The following TERB1 variants were observed in gnomAD, a reference collection of about 807,000 sequenced individuals.
TERB1 encodes the protein telomere repeats-binding bouquet formation protein 1.
A neutral mutation model predicts 92.3 loss-of-function variants in TERB1; 63 were observed. The ratio of observed to expected loss-of-function variants is 0.68; its 90% CI spans 0.56 to 0.84. The LOEUF (loss-of-function observed/expected upper bound fraction) is 0.84, where lower values mean the gene tolerates loss of function less well. Among genes scored for constraint, TERB1 ranks in the 40% least tolerant of loss-of-function variants. TERB1 has a pLI of 0.00. For synonymous variants in TERB1, 252 were observed against 283.9 expected (o/e 0.89, Z 1.13); for missense variants, 709 against 843.7 (o/e 0.84, Z 1.98).
chr16:66,763,909 A>G (rs976793563), intron 16 of TERB1, among the ~76,000 whole-genome samples: 1 of 152,224 alleles, frequency 6.6e-6, no homozygotes, highest in South Asian at 2.1e-4. Context: ...AAGACATTTC[A>G]GTACAATAAA....
At chr16:66,790,746 A>C in intron 4 of TERB1, 23 bp from the exon 5 acceptor site, 7 of 1,547,044 alleles carry the variant, frequency 4.5e-6, no homozygotes, top group Non-Finnish European at 6.1e-6. Flanking sequence ...CAGAAAAAAA[A>C]CAAAATAGAA....
chr16:66,767,537 T>C, intron 15 of TERB1, 27 bp from the exon 16 acceptor site: 210 of 831,066 alleles, frequency 2.5e-4, no homozygotes, highest in Non-Finnish European at 3.6e-4. Context: ...AATGAAGGAT[T>C]TTTGGATTAA....
chr16:66,782,549 CAAAA>C (rs1021881453), intron 9 of TERB1, among the ~76,000 whole-genome samples: 2 of 78,944 alleles, frequency 2.5e-5, no homozygotes. Context: ...AATTCTGTCT[CAAAA>C]AAAAAAAAAA....
intron 9 of TERB1, among the ~76,000 whole-genome samples, chr16:66,780,383 G>C (rs1171148465): frequency 6.8e-6 from 1 of 146,948 alleles, no homozygotes; most frequent in South Asian, 2.3e-4. Flanking sequence ...AACATAGTGA[G>C]ACCCCATCTC....
At chr16:66,787,820 C>T (rs1432402294) in intron 6 of TERB1, among the ~76,000 whole-genome samples, 3 of 152,116 alleles carry the variant, frequency 2.0e-5, no homozygotes, top group East Asian at 1.9e-4. Context: ...GACACTGGGC[C>T]GGGAGCAGTG....
rs1220001992 is a variant in TERB1 at position 66,755,015 on chromosome 16, G to A, written c.2145C>T (p.Tyr715=). The change falls in exon 19 of 19, where the codon TAC becomes TAT. Residue 715 remains tyrosine, a synonymous_variant. Coordinates refer to ENST00000433154, the MANE Select transcript of TERB1 (RefSeq NM_001136505.2). The part of the protein sequence containing the change: ...GRKAVDLAHK[Y]HKLTKHPTCA... ...ACGTGGGGTGTTTGGTCAGCTTGTGGTATTTGTGAGCAAGGTCCACAGCCT... is the reference window on the plus strand; with the variant it reads ...ACGTGGGGTGTTTGGTCAGCTTGTGATATTTGTGAGCAAGGTCCACAGCCT... The A allele has an allele frequency of 8.7e-5, 135 of 1,551,242 alleles. 1 individual carries two copies. The East Asian group carries it at 3.3e-3, about 37-fold the overall frequency.
intron 11 of TERB1, 81 bp from the exon 12 acceptor site, chr16:66,775,324 A>T: frequency 7.6e-7 from 1 of 1,320,922 alleles, no homozygotes; most frequent in East Asian, 2.6e-5. Context: ...TGTGATAATT[A>T]TGAACATAGT....
At chr16:66,768,489 T>C (rs1202892418) in intron 14 of TERB1, among the ~76,000 whole-genome samples, 1 of 152,120 alleles carries the variant, frequency 6.6e-6, no homozygotes, top group Non-Finnish European at 1.5e-5. Flanking sequence ...GGAGCAAAAA[T>C]GAACATGGGT....
chr16:66,792,629 T>C (rs2018855084), intron 3 of TERB1, among the ~76,000 whole-genome samples: 1 of 152,206 alleles, frequency 6.6e-6, no homozygotes, highest in African/African-American at 2.4e-5. Context: ...TGGGGATACA[T>C]TCTGAGAAAA....
At chr16:66,796,484 T>C (rs1458800926) in intron 3 of TERB1, among the ~76,000 whole-genome samples, 2 of 152,256 alleles carry the variant, frequency 1.3e-5, no homozygotes, top group Non-Finnish European at 2.9e-5. Flanking sequence ...CTGAAATCTG[T>C]ACCTGCAGGC....
At chr16:66,779,125 A>C (rs888508753) in intron 9 of TERB1, 110 bp from the exon 10 acceptor site, 7 of 776,650 alleles carry the variant, frequency 9.0e-6, no homozygotes, top group Non-Finnish European at 1.3e-5. Context: ...ATACTTTCTA[A>C]AAATCCCAAA....
intron 6 of TERB1, 26 bp from the exon 7 acceptor site, chr16:66,786,311 A>ATGAG (rs1417765620): frequency 1.4e-6 from 2 of 1,471,822 alleles, no homozygotes; most frequent in Admixed American, 4.3e-5. Context: ...ATATAAAAAT[A>ATGAG]TGAGTTTTAT....
chr16:66,779,216 A>G (rs1353190828), intron 9 of TERB1, among the ~76,000 whole-genome samples: 2 of 152,354 alleles, frequency 1.3e-5, no homozygotes, highest in East Asian at 3.9e-4. Context: ...ACTTTGACAC[A>G]GTAAAACTAC....
Position 66,772,756 on chromosome 16 carries a change from A to C in TERB1, c.1112-7T>G, listed in dbSNP as rs1054793768. 3.9e-6 allele frequency: 6 copies of C among 1,527,672 alleles called. No homozygotes were observed. The highest frequency in any genetic ancestry group is 2.2e-5 in the Admixed American group (1 of 45,280). The allele number at this position is 1,527,672 out of a possible 1,614,324, so 94.6% of individuals were successfully genotyped here. A position where few individuals can be genotyped will look rare whatever the true frequency, so the allele number is the denominator to read the frequency against. ...CTTAGAGATAATTTCTCAGCTTTGT[A>C]GTATGGGAAAAAACAATGAATGAAA... On this transcript the variant is annotated splice_polypyrimidine_tract_variant and splice_region_variant and intron_variant, in intron 12 of 18. Transcript: ENST00000433154.
At chr16:66,775,388 C>G in intron 11 of TERB1, 145 bp from the exon 12 acceptor site, 1 of 657,690 alleles carries the variant, frequency 1.5e-6, no homozygotes, top group African/African-American at 1.8e-5. Context: ...AATCCCAGCA[C>G]TTTGGGAGGC....
At chr16:66,799,826 GA>G (rs1959227731) in intron 2 of TERB1, among the ~76,000 whole-genome samples, 1 of 152,150 alleles carries the variant, frequency 6.6e-6, no homozygotes, top group Admixed American at 6.5e-5. Flanking sequence ...ATATAAAGCA[GA>G]TTATGAAGTG....
chr16:66,781,519 CTT>C (rs34191078), intron 9 of TERB1, among the ~76,000 whole-genome samples: 8 of 121,146 alleles, frequency 6.6e-5, no homozygotes, highest in Admixed American at 9.1e-5. Context: ...GGTACAAATT[CTT>C]TTTTTTTTTT....
At chr16:66,767,640 A>C (rs2018370512) in intron 15 of TERB1, 130 bp from the exon 16 acceptor site, 1 of 566,248 alleles carries the variant, frequency 1.8e-6, no homozygotes, top group Non-Finnish European at 3.1e-6. Flanking sequence ...CTGGTGAATA[A>C]ACAGAAAGAT....
intron 6 of TERB1, among the ~76,000 whole-genome samples, chr16:66,787,039 T>TA (rs1325630792): frequency 6.6e-6 from 1 of 152,166 alleles, no homozygotes; most frequent in Non-Finnish European, 1.5e-5. Flanking sequence ...GGGAAGGGGT[T>TA]ACACAGCCTT....
Sources: gnomAD v4.1 joint callset for allele counts (sites outside exome capture counted in the v4.1 genomes callset) on GRCh38, gnomAD v4.1.1 for gene constraint, MANE v1.5 for transcripts, NCBI Gene and HGNC (gene_info 2026-07-23, HGNC 2026-07-21) for gene names.